The following MEOX2 variants were observed in gnomAD, a reference collection of about 807,000 sequenced individuals.
MEOX2 encodes mesenchyme homeobox 2.
Under a neutral mutation model 27.0 loss-of-function variants are expected in MEOX2, and 11 were observed. The ratio of observed to expected loss-of-function variants is 0.41; its 90% CI spans 0.26 to 0.68. MEOX2 has a LOEUF of 0.68. MEOX2 is among the 30% of genes least tolerant of loss of function. The pLI is 0.33. For missense variants in MEOX2, 436 were observed against 385.4 expected (o/e 1.13, Z -1.10); for synonymous variants, 189 against 155.4 (o/e 1.22, Z -1.61).
At chr7:15,664,451 T>C (rs781465555) in intron 1 of MEOX2, among the ~76,000 whole-genome samples, 6 of 152,158 alleles carry the variant, frequency 3.9e-5, no homozygotes, top group Non-Finnish European at 7.3e-5. Flanking sequence ...GTCATAGTTC[T>C]GAAATTTTCC....
chr7:15,653,138 C>G (rs902060729), intron 1 of MEOX2, among the ~76,000 whole-genome samples: 1 of 124,398 alleles, frequency 8.0e-6, no homozygotes, highest in Admixed American at 8.7e-5. Context: ...TGCTTGCCAT[C>G]ATGTGTTAGA....
chr7:15,646,156 G>C (rs1781646469), intron 1 of MEOX2, among the ~76,000 whole-genome samples: 1 of 152,014 alleles, frequency 6.6e-6, no homozygotes, highest in Non-Finnish European at 1.5e-5. Context: ...TTATTTATCT[G>C]ATAGTTTTAA....
At chr7:15,644,081 G>A (rs898935965) in intron 1 of MEOX2, among the ~76,000 whole-genome samples, 13 of 152,174 alleles carry the variant, frequency 8.5e-5, no homozygotes, top group African/African-American at 3.1e-4. Flanking sequence ...CCTGTCTTGG[G>A]TGCATGAGAG....
chr7:15,664,513 T>C (rs181599207), intron 1 of MEOX2, among the ~76,000 whole-genome samples: 47 of 152,306 alleles, frequency 3.1e-4, no homozygotes, highest in African/African-American at 1.1e-3. Flanking sequence ...CAATAGATGC[T>C]TGATGTTTAC....
At chr7:15,621,930 A>G (rs971534244) in intron 2 of MEOX2, among the ~76,000 whole-genome samples, 3 of 152,186 alleles carry the variant, frequency 2.0e-5, no homozygotes, top group African/African-American at 2.4e-5. Flanking sequence ...CAGCCTGGCC[A>G]AGATGGTGAA....
At chr7:15,637,976 G>C (rs182053350) in intron 1 of MEOX2, among the ~76,000 whole-genome samples, 41 of 152,132 alleles carry the variant, frequency 2.7e-4, no homozygotes, top group African/African-American at 9.9e-4. Flanking sequence ...GGATGGTACT[G>C]TTACATTTAT....
At chr7:15,613,077 C>T (rs970994421) in intron 2 of MEOX2, among the ~76,000 whole-genome samples, 6 of 152,188 alleles carry the variant, frequency 3.9e-5, no homozygotes, top group African/African-American at 1.4e-4. Context: ...CATACTCTGC[C>T]ATCAGAAACT....
intron 1 of MEOX2, among the ~76,000 whole-genome samples, chr7:15,654,682 A>G (rs1214641666): frequency 6.6e-6 from 1 of 151,822 alleles, no homozygotes; most frequent in Non-Finnish European, 1.5e-5. Context: ...TGCTTTTAAT[A>G]TGGTGAATTA....
intron 1 of MEOX2, among the ~76,000 whole-genome samples, chr7:15,639,612 C>A: frequency 6.6e-6 from 1 of 151,916 alleles, no homozygotes; most frequent in East Asian, 1.9e-4. Context: ...ATGTTTAGAT[C>A]TTTGGTACAT....
intron 1 of MEOX2, among the ~76,000 whole-genome samples, chr7:15,652,190 C>T (rs557208051): frequency 6.4e-4 from 97 of 152,080 alleles, no homozygotes; most frequent in African/African-American, 1.9e-3. Flanking sequence ...CAGTAACATG[C>T]TTTTACTGTT....
intron 2 of MEOX2, among the ~76,000 whole-genome samples, chr7:15,618,070 G>A (rs2115354474): frequency 6.6e-6 from 1 of 152,062 alleles, no homozygotes; most frequent in East Asian, 1.9e-4. Flanking sequence ...TGAACCGAAA[G>A]CAACCATTCA....
chr7:15,686,444 G>A lies in MEOX2; in HGVS notation c.-42C>T. The A allele has an allele frequency of 6.6e-7, 1 of 1,508,752 alleles. No homozygotes were observed. Among genetic ancestry groups the A allele is most frequent in the Non-Finnish European group, 8.9e-7 (1 of 1,121,810 alleles). The allele number at this position is 1,508,752 out of a possible 1,614,324, so 93.5% of individuals were successfully genotyped here. A position where few individuals can be genotyped will look rare whatever the true frequency, so the allele number is the denominator to read the frequency against. ...GTTCCAGGCAGAAGACTTCACGGCG[G>A]TTCCAAAGGCCACCACCCTCTGTCA... On this transcript the variant is annotated 5_prime_UTR_variant, in exon 1 of 3. Coordinates refer to ENST00000262041, the MANE Select transcript of MEOX2 (RefSeq NM_005924.5).
intron 1 of MEOX2, among the ~76,000 whole-genome samples, chr7:15,633,970 A>G (rs1781445119): frequency 6.6e-6 from 1 of 151,980 alleles, no homozygotes. Context: ...AAGGAAAAGT[A>G]TCATTTATTA....
intron 1 of MEOX2, among the ~76,000 whole-genome samples, chr7:15,644,251 T>C (rs569418519): frequency 1.1e-4 from 17 of 152,238 alleles, no homozygotes; most frequent in African/African-American, 4.1e-4. Context: ...AAGCAGTGCC[T>C]CTATATGTTC....
At chr7:15,654,051 T>C (rs1781782410) in intron 1 of MEOX2, among the ~76,000 whole-genome samples, 1 of 151,942 alleles carries the variant, frequency 6.6e-6, no homozygotes, top group Non-Finnish European at 1.5e-5. Flanking sequence ...ACAATATGTC[T>C]CTCCATCTAT....
chr7:15,626,747 T>A lies in MEOX2; in HGVS notation c.689A>T (p.Gln230Leu). Residue 230 changes from glutamine (Q) to leucine (L), a missense_variant and splice_region_variant, in exon 2 of 3, where the codon CAG (glutamine) becomes CTG (leucine). Physicochemically the swap from Gln to Leu is moderately radical, Grantham distance 113. Transcript: ENST00000262041. The part of the protein sequence containing the change: ...IAVNLDLTER[Q>L]VKVWFQNRRM... Reference sequence around the variant, plus strand: ...TATAATGATAATGCCCAGCTTTACCTGTCTTTCAGTGAGATCCAGATTCAC... The same window carrying A: ...TATAATGATAATGCCCAGCTTTACCAGTCTTTCAGTGAGATCCAGATTCAC... 6.2e-7 allele frequency: 1 copy of A among 1,605,294 alleles called. No individual in the cohort carries two copies. The highest frequency in any genetic ancestry group is 8.5e-7 in the Non-Finnish European group (1 of 1,174,570).
intron 1 of MEOX2, among the ~76,000 whole-genome samples, chr7:15,673,844 T>C (rs1396185054): frequency 6.6e-6 from 1 of 152,128 alleles, no homozygotes; most frequent in Non-Finnish European, 1.5e-5. Context: ...AGCTAAACTA[T>C]AAACATTTAG....
At chr7:15,637,033 A>G (rs1781489667) in intron 1 of MEOX2, among the ~76,000 whole-genome samples, 1 of 152,096 alleles carries the variant, frequency 6.6e-6, no homozygotes, top group Non-Finnish European at 1.5e-5. Context: ...TTCAGACCAT[A>G]GAATTATCCA....
intron 1 of MEOX2, chr7:15,676,296 T>A (rs1250163702): frequency 1.3e-5 from 2 of 152,362 alleles, no homozygotes; most frequent in African/African-American, 4.8e-5. Context: ...ATTCTGTTCA[T>A]GCATTTTGTG....
Sources: gnomAD v4.1 joint callset for allele counts (sites outside exome capture counted in the v4.1 genomes callset) on GRCh38, gnomAD v4.1.1 for gene constraint, MANE v1.5 for transcripts, NCBI Gene and HGNC (gene_info 2026-07-23, HGNC 2026-07-21) for gene names.